FTO: variants seen among roughly 807,000 people sequenced by gnomAD.
FTO encodes alpha-ketoglutarate-dependent dioxygenase FTO.
Under a neutral mutation model 63.9 loss-of-function variants are expected in FTO, and 47 were observed. The observed-to-expected ratio is 0.74, with a 90% CI of 0.58 to 0.94. FTO has a LOEUF of 0.94. Among genes scored for constraint, FTO ranks in the 40% least tolerant of loss-of-function variants. The probability of loss-of-function intolerance (pLI) is 0.00; values close to 1 mark genes in which losing one functional copy is unlikely to be tolerated. For missense variants in FTO, 562 were observed against 618.1 expected (o/e 0.91, Z 0.96); for synonymous variants, 207 against 224.4 (o/e 0.92, Z 0.69).
At chr16:53,933,705 A>G (rs2082329115) in intron 7 of FTO, among the ~76,000 whole-genome samples, 1 of 152,208 alleles carries the variant, frequency 6.6e-6, no homozygotes, top group Admixed American at 6.5e-5. Context: ...CCAGGAAAAA[A>G]AAAATCGTTG....
At chr16:54,036,252 C>T (rs2084938679) in intron 8 of FTO, among the ~76,000 whole-genome samples, 2 of 152,174 alleles carry the variant, frequency 1.3e-5, no homozygotes, top group South Asian at 4.2e-4. Context: ...TATTTAGCCC[C>T]ATAATGTTTT....
intron 8 of FTO, among the ~76,000 whole-genome samples, chr16:54,084,353 T>C (rs747513743): frequency 6.6e-6 from 1 of 152,320 alleles, no homozygotes; most frequent in East Asian, 1.9e-4. Flanking sequence ...AATGTGTTTC[T>C]AGAGATGGAG....
chr16:53,959,958 A>G (rs866511849), intron 8 of FTO, among the ~76,000 whole-genome samples: 9 of 152,290 alleles, frequency 5.9e-5, no homozygotes, highest in African/African-American at 2.2e-4. Flanking sequence ...TGTAAACTGC[A>G]TGGCAAGAAG....
intron 6 of FTO, among the ~76,000 whole-genome samples, chr16:53,880,305 A>C (rs1436985526): frequency 2.0e-5 from 3 of 152,174 alleles, no homozygotes; most frequent in Non-Finnish European, 4.4e-5. Context: ...CAAGACTTTC[A>C]AGAATTGTGA....
At chr16:53,782,127 T>C (rs1378511565) in intron 1 of FTO, among the ~76,000 whole-genome samples, 4 of 152,226 alleles carry the variant, frequency 2.6e-5, no homozygotes, top group East Asian at 1.9e-4. Context: ...ATGAAGCCTC[T>C]GAAACTCAGC....
chr16:54,018,161 T>A (rs2084496453), intron 8 of FTO, among the ~76,000 whole-genome samples: 1 of 152,156 alleles, frequency 6.6e-6, no homozygotes, highest in African/African-American at 2.4e-5. Flanking sequence ...AGTATGTATT[T>A]GTCCATGTTT....
At chr16:53,779,527 A>C (rs752120468) in intron 1 of FTO, among the ~76,000 whole-genome samples, 1 of 152,136 alleles carries the variant, frequency 6.6e-6, no homozygotes, top group African/African-American at 2.4e-5. Context: ...TGCACTCCCA[A>C]TTTACTCTAA....
chr16:53,971,790 G>A (rs1484367454), intron 8 of FTO, among the ~76,000 whole-genome samples: 1 of 152,148 alleles, frequency 6.6e-6, no homozygotes, highest in Non-Finnish European at 1.5e-5. Flanking sequence ...TTTTGTGTCT[G>A]GTGAACCACA....
chr16:54,096,995 G>T (rs1347922871), intron 8 of FTO, among the ~76,000 whole-genome samples: 1 of 152,226 alleles, frequency 6.6e-6, no homozygotes, highest in Non-Finnish European at 1.5e-5. Flanking sequence ...ATCTGTTAAG[G>T]CCTTGGCACT....
At chr16:54,018,518 A>T (rs2080449) in intron 8 of FTO, among the ~76,000 whole-genome samples, 78,253 of 151,854 alleles carry the variant, frequency 0.52, 22,349 homozygotes, top group African/African-American at 0.76. Flanking sequence ...GGTGATATGG[A>T]TTGGCTGTGT....
chr16:53,727,804 G>A (rs994571807), intron 1 of FTO, among the ~76,000 whole-genome samples: 6 of 152,180 alleles, frequency 3.9e-5, no homozygotes, highest in African/African-American at 1.4e-4. Flanking sequence ...TGGAAAAATA[G>A]AGATACTAAT....
chr16:53,753,838 A>G (rs900458481), intron 1 of FTO, among the ~76,000 whole-genome samples: 4 of 152,192 alleles, frequency 2.6e-5, no homozygotes, highest in African/African-American at 9.7e-5. Flanking sequence ...ACATGAAGCT[A>G]GGATTTCCAC....
At chr16:53,724,587 A>G (rs1311638703) in intron 1 of FTO, among the ~76,000 whole-genome samples, 4 of 152,204 alleles carry the variant, frequency 2.6e-5, no homozygotes, top group Non-Finnish European at 5.9e-5. Flanking sequence ...CTCCTCTTGA[A>G]TGTTCATGGG....
chr16:53,999,691 C>A (rs1365871409), intron 8 of FTO: 3 of 152,212 alleles, frequency 2.0e-5, no homozygotes, highest in African/African-American at 7.2e-5. Context: ...CACTGACCTT[C>A]ATTTTACCTC....
chr16:53,986,063 G>A (rs1403750170), intron 8 of FTO, among the ~76,000 whole-genome samples: 2 of 152,176 alleles, frequency 1.3e-5, no homozygotes. Flanking sequence ...AGAGAAGAAC[G>A]CTGATGTGGG....
intron 1 of FTO, among the ~76,000 whole-genome samples, chr16:53,738,025 C>CTT (rs35487919): frequency 0.057 from 7,176 of 125,396 alleles, 813 homozygotes; most frequent in African/African-American, 0.2. Flanking sequence ...ACAATCGTAG[C>CTT]TTTTTTTTTT....
intron 8 of FTO, among the ~76,000 whole-genome samples, chr16:53,966,306 C>G (rs2083196509): frequency 6.6e-6 from 1 of 152,208 alleles, no homozygotes; most frequent in Admixed American, 6.5e-5. Context: ...ATAAGTAAAT[C>G]CATAGTGCTA....
At chr16:53,838,252 C>T (rs1370980248) in intron 3 of FTO, among the ~76,000 whole-genome samples, 1 of 152,164 alleles carries the variant, frequency 6.6e-6, no homozygotes, top group African/African-American at 2.4e-5. Context: ...AGCAAGGGAC[C>T]AGCCTTTTAA....
intron 3 of FTO, among the ~76,000 whole-genome samples, chr16:53,831,538 TCTA>T (rs1416210065): frequency 2.6e-5 from 4 of 152,184 alleles, no homozygotes; most frequent in African/African-American, 9.7e-5. Context: ...ACAATAAGCA[TCTA>T]CTATTTGCTA....
Sources: gnomAD v4.1 joint callset for allele counts (sites outside exome capture counted in the v4.1 genomes callset) on GRCh38, gnomAD v4.1.1 for gene constraint, MANE v1.5 for transcripts, NCBI Gene and HGNC (gene_info 2026-07-23, HGNC 2026-07-21) for gene names.